Variants in ZFHX3 observed in about 807,000 individuals in gnomAD.
ZFHX3 encodes zinc finger homeobox 3, also known as zinc finger homeobox protein 3.
Under a neutral mutation model 279.1 loss-of-function variants are expected in ZFHX3, and 42 were observed. The observed-to-expected ratio is 0.15, with a 90% CI of 0.12 to 0.19. The LOEUF (loss-of-function observed/expected upper bound fraction) is 0.19, where lower values mean the gene tolerates loss of function less well. Ranked by LOEUF, ZFHX3 falls within the 10% of genes least tolerant of loss-of-function variation. ZFHX3 has a pLI of 1.00. For synonymous variants in ZFHX3, 2,293 were observed against 1,957.8 expected, an observed-to-expected ratio of 1.17 and a Z score of -4.52; for missense variants, 4,981 against 4,754.0, an observed-to-expected ratio of 1.05 and a Z score of -1.40.
intron 5 of ZFHX3, among the ~76,000 whole-genome samples, chr16:73,190,576 A>T (rs994839033): frequency 2.0e-5 from 3 of 152,222 alleles, no homozygotes; most frequent in Non-Finnish European, 4.4e-5. Context: ...TCTATTACAT[A>T]AGTGAAGAGG....
At chr16:73,547,630 T>C (rs2020142027) in intron 2 of ZFHX3, among the ~76,000 whole-genome samples, 1 of 152,176 alleles carries the variant, frequency 6.6e-6, no homozygotes, top group Admixed American at 6.5e-5. Flanking sequence ...GGCTTGATTT[T>C]CATAATACAA....
chr16:73,563,170 TTGTGTGTGTGTGTGTG>T (rs200933190), intron 2 of ZFHX3, among the ~76,000 whole-genome samples: 3,445 of 134,934 alleles, frequency 0.026, 151 homozygotes, highest in African/African-American at 0.09. Flanking sequence ...TTTTGTTTTG[TTGTGTGTGTGTGTGTG>T]TGTGTGTGTG....
chr16:73,490,492 G>A (rs190809166), intron 2 of ZFHX3, among the ~76,000 whole-genome samples: 4 of 152,250 alleles, frequency 2.6e-5, no homozygotes, highest in Admixed American at 6.5e-5. Context: ...GCTATGTTAC[G>A]TAACTCCACC....
At position 73,372,712 on chromosome 16, in the gene ZFHX3, A is replaced by G. The variant is rs116389345; in HGVS notation, c.-1290-54376T>C. On this transcript the variant is annotated intron_variant, in intron 3 of 17. Coordinates refer to the ZFHX3 transcript ENST00000641206. ...GCCCATGATTTTGAGGAAGGACAGG[A>G]CCTTGGATGATTCCGGTGACACTGG... is the stretch of plus-strand genomic sequence containing the variant. 2.5e-4 allele frequency among the ~76,000 whole-genome samples: 38 copies of G among 152,320 alleles called. 1 individual carries two copies. The highest frequency in any genetic ancestry group is 8.2e-4 in the African/African-American group (34 of 41,566).
chr16:73,197,200 C>G (rs1196169532), intron 5 of ZFHX3, among the ~76,000 whole-genome samples: 1 of 152,134 alleles, frequency 6.6e-6, no homozygotes, highest in Non-Finnish European at 1.5e-5. Context: ...AATGTGTGGC[C>G]TCCTGTCTAA....
chr16:73,101,389 C>T (rs920429095), intron 7 of ZFHX3, among the ~76,000 whole-genome samples: 15 of 152,056 alleles, frequency 9.9e-5, no homozygotes, highest in Middle Eastern at 3.4e-3. Context: ...AGGTATTGCT[C>T]CCCTTTTGAG....
intron 4 of ZFHX3, among the ~76,000 whole-genome samples, chr16:73,301,833 G>C (rs966228628): frequency 2.0e-5 from 3 of 148,420 alleles, no homozygotes; most frequent in Non-Finnish European, 4.4e-5. Flanking sequence ...GTGTGCATAA[G>C]CCTTTCTTAC....
chr16:73,728,415 G>A (rs1041676488), intron 1 of ZFHX3, among the ~76,000 whole-genome samples: 9 of 152,154 alleles, frequency 5.9e-5, no homozygotes, highest in African/African-American at 2.2e-4. Flanking sequence ...ATTGCCACAT[G>A]TAACTAGCAA....
chr16:73,841,394 A>AG (rs1445777063), intron 1 of ZFHX3, among the ~76,000 whole-genome samples: 3 of 152,148 alleles, frequency 2.0e-5, no homozygotes, highest in Non-Finnish European at 4.4e-5. Context: ...CATAGACTGC[A>AG]GGGGAGACAT....
At chr16:73,510,220 GCATTAT>G (rs758149940) in intron 2 of ZFHX3, among the ~76,000 whole-genome samples, 3 of 152,070 alleles carry the variant, frequency 2.0e-5, no homozygotes, top group Non-Finnish European at 2.9e-5. Flanking sequence ...TCTGCCCATA[GCATTAT>G]CACAATCTGA....
rs1555514753 is a variant in ZFHX3, at chr16:72,786,412, A to ATT, written c.*750_*751dup. 6 of 145,728 alleles carry ATT rather than the reference A, an allele frequency of 4.1e-5. No individual in the cohort carries two copies. In the East Asian group the frequency reaches 1.3e-3, roughly 32 times the overall value. 9.0% of individuals were successfully genotyped at this position (145,728 alleles called of 1,614,324 possible). On this transcript the variant is annotated 3_prime_UTR_variant, in exon 10 of 10. Transcript: ENST00000268489. ...TCAACACTCTTTGTGTGTGTGGGTT[A>ATT]TTATTTTTTTTTTTTTTTGAAAGTG...
intron 1 of ZFHX3, among the ~76,000 whole-genome samples, chr16:73,043,146 C>CCTT (rs2144706664): frequency 6.6e-6 from 1 of 152,258 alleles, no homozygotes; most frequent in East Asian, 1.9e-4. Context: ...AGAGGCAGCA[C>CCTT]ATGTGTTAAT....
intron 3 of ZFHX3, among the ~76,000 whole-genome samples, chr16:72,935,783 T>C (rs1960089979): frequency 6.6e-6 from 1 of 151,406 alleles, no homozygotes; most frequent in African/African-American, 2.4e-5. Flanking sequence ...CAGGCGACAC[T>C]TGCTGATAGT....
chr16:73,570,451 A>T (rs1022884113), intron 2 of ZFHX3, among the ~76,000 whole-genome samples: 1 of 152,200 alleles, frequency 6.6e-6, no homozygotes, highest in African/African-American at 2.4e-5. Flanking sequence ...AGTTTTTTCT[A>T]GTTTAGACCT....
intron 7 of ZFHX3, chr16:72,809,249 T>G (rs1567526500): frequency 6.6e-6 from 1 of 152,230 alleles, no homozygotes; most frequent in Non-Finnish European, 1.5e-5. Flanking sequence ...CTAGACTAGA[T>G]TTATATTAAA....
At chr16:72,905,163 C>G (rs2039137944) in intron 3 of ZFHX3, among the ~76,000 whole-genome samples, 1 of 151,696 alleles carries the variant, frequency 6.6e-6, no homozygotes, top group Non-Finnish European at 1.5e-5. Context: ...AGATGCTTCA[C>G]TTGATTTCTA....
intron 1 of ZFHX3, among the ~76,000 whole-genome samples, chr16:73,730,368 A>AG (rs2053559162): frequency 6.6e-6 from 1 of 150,696 alleles, no homozygotes; most frequent in South Asian, 2.1e-4. Flanking sequence ...AAAAAAAAAA[A>AG]AAAAAAAGAA....
intron 2 of ZFHX3, among the ~76,000 whole-genome samples, chr16:73,480,056 G>C (rs572505714): frequency 3.3e-5 from 5 of 152,256 alleles, no homozygotes; most frequent in Non-Finnish European, 5.9e-5. Context: ...GGACTCCTCA[G>C]TTCATTCTCT....
chr16:73,151,362 G>A (rs1426314015), intron 5 of ZFHX3, among the ~76,000 whole-genome samples: 1 of 152,136 alleles, frequency 6.6e-6, no homozygotes, highest in African/African-American at 2.4e-5. Context: ...GGTGTGTGGG[G>A]GTTGGAGAAG....
Sources: gnomAD v4.1 joint callset for allele counts (sites outside exome capture counted in the v4.1 genomes callset) on GRCh38, gnomAD v4.1.1 for gene constraint, MANE v1.5 for transcripts, NCBI Gene and HGNC (gene_info 2026-07-23, HGNC 2026-07-21) for gene names.